Variants in ATP1A4 observed in about 807,000 individuals in gnomAD.
The protein encoded by ATP1A4 is ATPase Na+/K+ transporting subunit alpha 4.
Under a neutral mutation model 114.3 loss-of-function variants are expected in ATP1A4, and 90 were observed. The ratio of observed to expected loss-of-function variants is 0.79; its 90% CI spans 0.66 to 0.94. The LOEUF (loss-of-function observed/expected upper bound fraction) is 0.94. Ranked by LOEUF, ATP1A4 falls within the 40% of genes least tolerant of loss-of-function variation. The pLI, the probability that ATP1A4 is intolerant of heterozygous loss-of-function variation, is 0.00. For missense variants in ATP1A4, 1,222 were observed against 1,313.6 expected (o/e 0.93, Z 1.08); for synonymous variants, 511 against 494.1 (o/e 1.03, Z -0.45).
chr1:160,165,679 C>CGAAA (rs775529898), intron 7 of ATP1A4, among the ~76,000 whole-genome samples: 122 of 152,066 alleles, frequency 8.0e-4, no homozygotes, highest in Non-Finnish European at 1.6e-3. Context: ...AGGAGAATGG[C>CGAAA]TTGAACCTGG....
intron 18 of ATP1A4, among the ~76,000 whole-genome samples, chr1:160,178,946 G>A (rs769143997): frequency 5.9e-5 from 9 of 152,208 alleles, no homozygotes; most frequent in East Asian, 1.9e-4. Flanking sequence ...GAATTGTAGC[G>A]TCATAGAGGA....
chr1:160,186,766 A>G lies in ATP1A4; in HGVS notation c.*67A>G. On this transcript the variant is annotated 3_prime_UTR_variant, in exon 22 of 22. Coordinates refer to ENST00000368081, the MANE Select transcript of ATP1A4 (RefSeq NM_144699.4). The stretch of plus-strand genomic sequence containing the variant: ...GAGAGCTGGGATGGGGCCAGAGATT[A>G]TAAGTTTGACACAACATCTGAGACA... The G allele has an allele frequency of 3.3e-6, 5 of 1,513,410 alleles. No individual in the cohort carries two copies. Among genetic ancestry groups the G allele is most frequent in the Non-Finnish European group, 4.5e-6 (5 of 1,102,402 alleles). The allele number at this position is 1,513,410 out of a possible 1,614,324, so 93.7% of individuals were successfully genotyped here.
intron 1 of ATP1A4, among the ~76,000 whole-genome samples, chr1:160,152,945 A>T (rs771251760): frequency 2.0e-5 from 3 of 152,064 alleles, no homozygotes; most frequent in Non-Finnish European, 4.4e-5. Context: ...GAGGCAGGAG[A>T]AACACCTGTT....
At chr1:160,152,942 G>A (rs1406994632) in intron 1 of ATP1A4, among the ~76,000 whole-genome samples, 4 of 152,102 alleles carry the variant, frequency 2.6e-5, no homozygotes, top group East Asian at 1.9e-4. Context: ...GCTGAGGCAG[G>A]AGAAACACCT....
intron 6 of ATP1A4, among the ~76,000 whole-genome samples, chr1:160,160,895 G>A (rs1196741933): frequency 1.3e-5 from 2 of 152,258 alleles, no homozygotes; most frequent in East Asian, 3.9e-4. Context: ...AAGCAAGTTA[G>A]CAAGCTTTCC....
chr1:160,167,102 T>A (rs1653068680), intron 9 of ATP1A4, 25 bp downstream of exon 9: 1 of 1,608,342 alleles, frequency 6.2e-7, no homozygotes, highest in Non-Finnish European at 8.5e-7. Flanking sequence ...GGGAAGAGGG[T>A]ACCTCAGTGT....
intron 4 of ATP1A4, among the ~76,000 whole-genome samples, chr1:160,158,176 G>A (rs1326767734): frequency 6.6e-6 from 1 of 152,136 alleles, no homozygotes; most frequent in African/African-American, 2.4e-5. Flanking sequence ...ATAATTCTGT[G>A]GCTGTGCTGT....
chr1:160,184,205 C>A (rs1336535899), intron 20 of ATP1A4, among the ~76,000 whole-genome samples: 1 of 152,058 alleles, frequency 6.6e-6, no homozygotes, highest in East Asian at 1.9e-4. Context: ...CCTGCCTCTG[C>A]CTCCCAAAGT....
Position 160,164,304 on chromosome 1 carries a change from C to T in ATP1A4, c.927C>T (p.Phe309=). The change falls in exon 7 of 22, where the codon TTC becomes TTT. Residue 309 remains phenylalanine (F), a synonymous_variant. Coordinates refer to ENST00000368081, the MANE Select transcript of ATP1A4 (RefSeq NM_144699.4). ...FIHLITVVAV[F]LGVTFFALSL... The stretch of plus-strand genomic sequence containing the variant: ...ATCTGATCACTGTGGTGGCCGTCTT[C>T]CTTGGTGTCACTTTTTTTGCGCTCT... 6.2e-7 allele frequency: 1 copy of T among 1,614,176 alleles called. No homozygotes were observed. The highest frequency in any genetic ancestry group is 8.5e-7 in the Non-Finnish European group (1 of 1,180,036).
At chr1:160,152,777 C>G (rs1399489794) in intron 1 of ATP1A4, among the ~76,000 whole-genome samples, 1 of 152,160 alleles carries the variant, frequency 6.6e-6, no homozygotes, top group Non-Finnish European at 1.5e-5. Flanking sequence ...TGGCTCACAC[C>G]TGTAATCCCA....
Position 160,159,592 on chromosome 1 carries a change from C to T in ATP1A4, c.778+66C>T, listed in dbSNP as rs1652799128. ...CACCAAAACATAAAGATTTTAATAA[C>T]TGTCTTCTAAAGGTAGCGAGGTAGG... is the stretch of plus-strand genomic sequence containing the variant. On this transcript the variant is annotated intron_variant, in intron 6 of 21. Coordinates refer to ENST00000368081, the MANE Select transcript of ATP1A4 (RefSeq NM_144699.4). 6.3e-6 allele frequency: 9 copies of T among 1,417,820 alleles called. No homozygotes were observed. In the East Asian group the frequency reaches 1.8e-4, roughly 29 times the overall value. 87.8% of individuals were successfully genotyped at this position (1,417,820 alleles called of 1,614,324 possible). A position where few individuals can be genotyped will look rare whatever the true frequency, so the allele number is the denominator to read the frequency against.
Position 160,156,163 on chromosome 1 carries a change from G to A in ATP1A4, c.525+5G>A. The A allele has an allele frequency of 1.3e-6, 2 of 1,582,038 alleles. No homozygotes were observed. The highest frequency in any genetic ancestry group is 8.7e-7 in the Non-Finnish European group (1 of 1,150,816). On this transcript the variant is annotated splice_donor_5th_base_variant and intron_variant, in intron 4 of 21. Coordinates refer to ENST00000368081, the MANE Select transcript of ATP1A4 (RefSeq NM_144699.4). ...TTTAAGAACATGGTGCCTCAGGTAG[G>A]ATTGGAGTGGGAGGATCTAGTGGGA...
intron 16 of ATP1A4, 29 bp from the exon 17 acceptor site, chr1:160,176,450 C>T (rs1653467294): frequency 6.2e-7 from 1 of 1,612,956 alleles, no homozygotes; most frequent in South Asian, 1.1e-5. Flanking sequence ...ACTTTGTGAC[C>T]CCTGTCATCC....
chr1:160,174,126 T>C lies in ATP1A4; in HGVS notation c.2007T>C (p.Ile669=). 6.2e-7 allele frequency: 1 copy of C among 1,613,874 alleles called. No individual in the cohort carries two copies. The highest frequency in any genetic ancestry group is 1.1e-5 in the South Asian group (1 of 91,004). ...TTTCCCTCAGTGCTGCCAAAGCCAT[T>C]GTGGTGCATGGTGCAGAACTGAAGG... ...SKVDASAAKA[I]VVHGAELKDI... The change falls in exon 14 of 22, where the codon ATT becomes ATC. Residue 669 remains isoleucine, a synonymous_variant. Coordinates refer to ENST00000368081, the MANE Select transcript of ATP1A4 (RefSeq NM_144699.4).
At chr1:160,169,027 G>C (rs1252297426) in intron 10 of ATP1A4, among the ~76,000 whole-genome samples, 1 of 97,906 alleles carries the variant, frequency 1.0e-5, no homozygotes, top group Non-Finnish European at 2.1e-5. Flanking sequence ...TCTCTCAGAT[G>C]ACTATGTTGC....
intron 20 of ATP1A4, among the ~76,000 whole-genome samples, chr1:160,184,684 CTTATG>C (rs1653820505): frequency 6.6e-6 from 1 of 151,972 alleles, no homozygotes; most frequent in African/African-American, 2.4e-5. Flanking sequence ...TTTCATTTTA[CTTATG>C]TTAATGTGGC....
At chr1:160,165,484 G>T (rs545293430) in intron 7 of ATP1A4, among the ~76,000 whole-genome samples, 125 of 152,316 alleles carry the variant, frequency 8.2e-4, no homozygotes, top group African/African-American at 2.9e-3. Flanking sequence ...GGTCTGCCGG[G>T]CGCGGTGGCT....
intron 7 of ATP1A4, among the ~76,000 whole-genome samples, chr1:160,166,255 A>G (rs1653031187): frequency 6.6e-6 from 1 of 152,226 alleles, no homozygotes; most frequent in Non-Finnish European, 1.5e-5. Context: ...GGTAACACAG[A>G]GTGAGACTCT....
At chr1:160,164,506 T>C in intron 7 of ATP1A4, 82 bp downstream of exon 7, 3 of 1,476,012 alleles carry the variant, frequency 2.0e-6, no homozygotes, top group Non-Finnish European at 2.8e-6. Context: ...CTTTTGTTGT[T>C]GAACCTTTCA....
Sources: gnomAD v4.1 joint callset for allele counts (sites outside exome capture counted in the v4.1 genomes callset) on GRCh38, gnomAD v4.1.1 for gene constraint, MANE v1.5 for transcripts, NCBI Gene and HGNC (gene_info 2026-07-23, HGNC 2026-07-21) for gene names.